Variants in FGF3 observed in about 807,000 individuals in gnomAD.
The protein encoded by FGF3 is fibroblast growth factor 3, also known as FGF-3.
FGF3 carries 7 observed loss-of-function variants against 9.8 expected under a neutral mutation model. The observed-to-expected ratio is 0.72, with a 90% CI of 0.41 to 1.35. The LOEUF (loss-of-function observed/expected upper bound fraction) is 1.35, where lower values mean the gene tolerates loss of function less well. Ranked by LOEUF, FGF3 falls within the 40% of genes most tolerant of loss-of-function variation. FGF3 has a pLI of 0.01. For synonymous variants in FGF3, 173 were observed against 157.2 expected (o/e 1.10, Z -0.75); for missense variants, 390 against 345.6 (o/e 1.13, Z -1.02).
chr11:69,818,856 C>T lies in FGF3; in HGVS notation c.78G>A (p.Arg26=), dbSNP rs782078516. ...CGCCGCCACGGCCGCCCGCATCGCG[C>T]CGCAACCGCGCCCCAGGGCCCGCTG... ...WPAAGPGARL[R]RDAGGRGGVY... The change falls in exon 1 of 3, where the codon CGG becomes CGA. Residue 26 remains arginine, a synonymous_variant. Coordinates refer to ENST00000334134, the MANE Select transcript of FGF3 (RefSeq NM_005247.4). 92 of 1,466,750 alleles carry T rather than the reference C, an allele frequency of 6.3e-5. 1 individual carries two copies. The highest frequency in any genetic ancestry group is 2.3e-4 in the Middle Eastern group (1 of 4,262). The allele number at this position is 1,466,750 out of a possible 1,614,324, so 90.9% of individuals were successfully genotyped here.
At chr11:69,814,516 C>T (rs1166433553) in intron 2 of FGF3, among the ~76,000 whole-genome samples, 2 of 151,954 alleles carry the variant, frequency 1.3e-5, no homozygotes, top group African/African-American at 2.4e-5. Flanking sequence ...TGTCAGGGTG[C>T]AGTGCTCACT....
At chr11:69,816,835 G>C (rs1257976842) in intron 1 of FGF3, among the ~76,000 whole-genome samples, 2 of 152,178 alleles carry the variant, frequency 1.3e-5, no homozygotes, top group Admixed American at 6.5e-5. Context: ...CGGCAGCCAT[G>C]GGAGTCTGAG....
At position 69,810,076 on chromosome 11, in the gene FGF3, G is replaced by A; in HGVS notation, c.*229C>T. 1 of 491,344 alleles carries A rather than the reference G, an allele frequency of 2.0e-6. No individual in the cohort carries two copies. Among genetic ancestry groups the A allele is most frequent in the Admixed American group, 3.7e-5 (1 of 26,734 alleles). The allele number at this position is 491,344 out of a possible 1,614,324, so 30.4% of individuals were successfully genotyped here. A position where few individuals can be genotyped will look rare whatever the true frequency, so the allele number is the denominator to read the frequency against. ...CTGGCACTCAGGCCCTTCCCTGCCGGCTTCCTGCCACACAGACCCACAAAT... is the reference window on the plus strand; with the variant it reads ...CTGGCACTCAGGCCCTTCCCTGCCGACTTCCTGCCACACAGACCCACAAAT... On this transcript the variant is annotated 3_prime_UTR_variant, in exon 3 of 3. Transcript: ENST00000334134.
chr11:69,811,480 A>G (rs1448885057), intron 2 of FGF3, among the ~76,000 whole-genome samples: 1 of 151,882 alleles, frequency 6.6e-6, no homozygotes, highest in African/African-American at 2.4e-5. Flanking sequence ...AAAGAAAAAA[A>G]AAGAAATTGC....
Position 69,818,953 on chromosome 11 carries a change from CGCGGCG to C in FGF3, c.-26_-21del. ...GCCCATCGTGGCATCGCGCCCGCCC[CGCGGCG>C]GCGGCGGCTGCAGGCGAGCGCGGCG... On this transcript the variant is annotated 5_prime_UTR_variant, in exon 1 of 3. Coordinates refer to ENST00000334134, the MANE Select transcript of FGF3 (RefSeq NM_005247.4). The C allele has an allele frequency of 1.4e-6, 2 of 1,444,334 alleles. No homozygotes were observed. Among genetic ancestry groups the C allele is most frequent in the Non-Finnish European group, 1.8e-6 (2 of 1,098,692 alleles). The allele number at this position is 1,444,334 out of a possible 1,614,324, so 89.5% of individuals were successfully genotyped here. A position where few individuals can be genotyped will look rare whatever the true frequency, so the allele number is the denominator to read the frequency against.
intron 2 of FGF3, among the ~76,000 whole-genome samples, chr11:69,813,732 ATGGGTGGATGGC>A (rs1439979825): frequency 1.5e-5 from 2 of 135,770 alleles, no homozygotes; most frequent in Non-Finnish European, 3.2e-5. Context: ...GGATGGATGG[ATGGGTGGATGGC>A]TGGATGGATG....
In FGF3 at chr11:69,810,715, T is replaced by C. The variant is rs781918570; in HGVS notation, c.325-15A>G. On this transcript the variant is annotated splice_polypyrimidine_tract_variant and intron_variant, in intron 2 of 2. Transcript: ENST00000334134. The stretch of plus-strand genomic sequence containing the variant: ...CTGTAGTGCTCCTGCGGGGATGAGA[T>C]ATCATGGTCAGTGCCCCGGGGAGAC... 10 of 1,561,612 alleles carry C rather than the reference T, an allele frequency of 6.4e-6. No homozygotes were observed. Among genetic ancestry groups the C allele is most frequent in the Admixed American group, 1.8e-5 (1 of 55,226 alleles).
At chr11:69,815,044 T>C (rs1856103489) in intron 2 of FGF3, among the ~76,000 whole-genome samples, 1 of 151,460 alleles carries the variant, frequency 6.6e-6, no homozygotes, top group Non-Finnish European at 1.5e-5. Flanking sequence ...GGTGGGTGGA[T>C]GGATGGGTGA....
intron 2 of FGF3, among the ~76,000 whole-genome samples, chr11:69,813,678 G>A (rs1554980723): frequency 7.2e-6 from 1 of 139,638 alleles, no homozygotes; most frequent in African/African-American, 2.7e-5. Flanking sequence ...ATGGCTGGAT[G>A]GATGGATGGG....
At chr11:69,812,494 A>G (rs1192053375) in intron 2 of FGF3, among the ~76,000 whole-genome samples, 2 of 151,974 alleles carry the variant, frequency 1.3e-5, no homozygotes, top group Admixed American at 6.5e-5. Context: ...GGATGTTACT[A>G]TCCAAGACCG....
At position 69,818,926 on chromosome 11, in the gene FGF3, A is replaced by G; in HGVS notation, c.8T>C (p.Leu3Pro). ...CAGGCTGAGCAGTAGCAGCCAGATT[A>G]GGCCCATCGTGGCATCGCGCCCGCC... MG[L>P]IWLLLLSLLE... Residue 3 changes from leucine to proline, a missense_variant, in exon 1 of 3, where the codon CTA (leucine) becomes CCA (proline). Leu to Pro is a moderately conservative substitution (Grantham distance 98). Transcript: ENST00000334134. 1 of 1,467,350 alleles carries G rather than the reference A, an allele frequency of 6.8e-7. No homozygotes were observed. The highest frequency in any genetic ancestry group is 9.0e-7 in the Non-Finnish European group (1 of 1,114,248). The allele number at this position is 1,467,350 out of a possible 1,614,324, so 90.9% of individuals were successfully genotyped here. A position where few individuals can be genotyped will look rare whatever the true frequency, so the allele number is the denominator to read the frequency against.
At chr11:69,812,816 T>TG (rs372675970) in intron 2 of FGF3, among the ~76,000 whole-genome samples, 3 of 151,990 alleles carry the variant, frequency 2.0e-5, no homozygotes, top group South Asian at 2.1e-4. Flanking sequence ...GCTTTCTCTT[T>TG]GGGGGGCCAC....
intron 1 of FGF3, 39 bp downstream of exon 1, chr11:69,818,675 C>A: frequency 7.1e-7 from 1 of 1,417,530 alleles, no homozygotes; most frequent in Non-Finnish European, 9.3e-7. Context: ...CCCCTCCCGG[C>A]GCCGCTTCCC....
At position 69,810,296 on chromosome 11, in the gene FGF3, C is replaced by T. The variant is rs782045539; in HGVS notation, c.*9G>A. 1 of 1,552,098 alleles carries T rather than the reference C, an allele frequency of 6.4e-7. No homozygotes were observed. The highest frequency in any genetic ancestry group is 8.7e-7 in the Non-Finnish European group (1 of 1,143,268). On this transcript the variant is annotated 3_prime_UTR_variant, in exon 3 of 3. Coordinates refer to ENST00000334134, the MANE Select transcript of FGF3 (RefSeq NM_005247.4). ...CGCCAGGAGCTCTGGCGGTGGCCAC[C>T]AGGCCCAGCTAGTGCGCACTGGCCT... is the stretch of plus-strand genomic sequence containing the variant.
chr11:69,818,703 C>G lies in FGF3; in HGVS notation c.220+11G>C. The G allele has an allele frequency of 6.8e-7, 1 of 1,475,868 alleles. No individual in the cohort carries two copies. The highest frequency in any genetic ancestry group is 8.9e-7 in the Non-Finnish European group (1 of 1,119,408). 91.4% of individuals were successfully genotyped at this position (1,475,868 alleles called of 1,614,324 possible). Reference sequence around the variant, plus strand: ...CGCTTCCCCCGGGGCCCCGCAGCGTCCGGCACTCACTGTAGGCGCTGTTCT... The same window carrying G: ...CGCTTCCCCCGGGGCCCCGCAGCGTGCGGCACTCACTGTAGGCGCTGTTCT... On this transcript the variant is annotated intron_variant, in intron 1 of 2. Transcript: ENST00000334134.
chr11:69,818,732 GGCT>G lies in FGF3; in HGVS notation c.199_201del (p.Ser67del). On this transcript the variant is annotated inframe_deletion, in exon 1 of 3. Transcript: ENST00000334134. ...CACTCACTGTAGGCGCTGTTCTCCA[GGCT>G]GCCGTTGACGCGGCCGCTCGGGTGC... 1 of 1,493,520 alleles carries G rather than the reference GGCT, an allele frequency of 6.7e-7. No individual in the cohort carries two copies. Among genetic ancestry groups the G allele is most frequent in the Non-Finnish European group, 8.9e-7 (1 of 1,128,194 alleles). 92.5% of individuals were successfully genotyped at this position (1,493,520 alleles called of 1,614,324 possible).
Position 69,810,671 on chromosome 11 carries a change from C to T in FGF3, c.354G>A (p.Val118=), listed in dbSNP as rs1856014458. The T allele has an allele frequency of 6.3e-7, 1 of 1,591,692 alleles. No homozygotes were observed. Among genetic ancestry groups the T allele is most frequent in the Non-Finnish European group, 8.6e-7 (1 of 1,165,440 alleles). ...SEHYSAECEF[V]ERIHELGYNT... ...TATAGCCCAGCTCGTGGATCCGCTC[C>T]ACAAACTCGCACTCGGCGCTGTAGT... Residue 118 remains valine (V), a synonymous_variant, in exon 3 of 3, where the codon GTG becomes GTA. Transcript: ENST00000334134.
intron 2 of FGF3, among the ~76,000 whole-genome samples, chr11:69,811,704 A>G (rs1893047): frequency 0.55 from 83,579 of 151,938 alleles, 23,228 homozygotes; most frequent in East Asian, 0.62. Flanking sequence ...CATGAGGCAC[A>G]TGATCAATCA....
At chr11:69,815,821 C>T (rs1017014553) in intron 2 of FGF3, among the ~76,000 whole-genome samples, 7 of 152,122 alleles carry the variant, frequency 4.6e-5, no homozygotes, top group African/African-American at 1.4e-4. Context: ...CCTGTGTGCC[C>T]GGGACATGGG....
Sources: allele counts gnomAD v4.1 joint callset (sites outside exome capture counted in the v4.1 genomes callset), GRCh38; gene constraint gnomAD v4.1.1; transcripts MANE v1.5; gene names NCBI Gene and HGNC (gene_info 2026-07-23, HGNC 2026-07-21).